The following MSI2 variants were observed in gnomAD, a reference collection of about 807,000 sequenced individuals.
The protein encoded by MSI2 is RNA-binding protein Musashi homolog 2.
In MSI2, 17 loss-of-function variants were observed where a neutral mutation model predicts 45.6. That is an observed-to-expected ratio of 0.37 (90% confidence interval 0.26 to 0.56). The LOEUF (loss-of-function observed/expected upper bound fraction) is 0.56. Among genes scored for constraint, MSI2 ranks in the 20% least tolerant of loss-of-function variants. The pLI, the probability that MSI2 is intolerant of heterozygous loss-of-function variation, is 0.77. For missense variants in MSI2, 293 were observed against 444.2 expected (o/e 0.66, Z 3.06); for synonymous variants, 156 against 158.2 (o/e 0.99, Z 0.11).
chr17:57,618,741 A>G (rs1907983035), intron 9 of MSI2, among the ~76,000 whole-genome samples: 1 of 151,986 alleles, frequency 6.6e-6, no homozygotes, highest in African/African-American at 2.4e-5. Flanking sequence ...ACGGGATTTC[A>G]CCATGTTGGC....
intron 5 of MSI2, among the ~76,000 whole-genome samples, chr17:57,367,850 C>T (rs1423553198): frequency 6.6e-6 from 1 of 152,158 alleles, no homozygotes; most frequent in Non-Finnish European, 1.5e-5. Flanking sequence ...CAGGCCATCC[C>T]TCTTACAGCT....
At chr17:57,479,901 C>T (rs771430989) in intron 6 of MSI2, among the ~76,000 whole-genome samples, 1 of 152,202 alleles carries the variant, frequency 6.6e-6, no homozygotes, top group Non-Finnish European at 1.5e-5. Context: ...ATATATCCAA[C>T]GTTCTGCCAG....
chr17:57,449,408 G>A (rs2143530172), intron 6 of MSI2: 1 of 152,286 alleles, frequency 6.6e-6, no homozygotes, highest in South Asian at 2.1e-4. Flanking sequence ...TTATTGGTTG[G>A]TGACCCAAGA....
At chr17:57,677,325 A>G (rs1913304331) in intron 13 of MSI2, among the ~76,000 whole-genome samples, 1 of 151,904 alleles carries the variant, frequency 6.6e-6, no homozygotes, top group Admixed American at 6.6e-5. Flanking sequence ...CTTTTTCTGT[A>G]TCTTCCCCAC....
intron 5 of MSI2, among the ~76,000 whole-genome samples, chr17:57,393,136 T>C (rs2083825750): frequency 6.6e-6 from 1 of 152,184 alleles, no homozygotes; most frequent in African/African-American, 2.4e-5. Flanking sequence ...TGGAATCAAA[T>C]ACAGGTTGAA....
At chr17:57,607,675 C>A (rs188634886) in intron 8 of MSI2, among the ~76,000 whole-genome samples, 4 of 152,276 alleles carry the variant, frequency 2.6e-5, no homozygotes, top group Admixed American at 6.5e-5. Flanking sequence ...TAAAGAAATA[C>A]CTGAGACTGG....
At chr17:57,311,654 A>G (rs1481028245) in intron 5 of MSI2, among the ~76,000 whole-genome samples, 1 of 152,068 alleles carries the variant, frequency 6.6e-6, no homozygotes, top group African/African-American at 2.4e-5. Context: ...GGCTTAAGTG[A>G]TCCTTCCCAC....
At chr17:57,440,216 A>G (rs16958391) in intron 6 of MSI2, among the ~76,000 whole-genome samples, 2,139 of 152,248 alleles carry the variant, frequency 0.014, 50 homozygotes, top group African/African-American at 0.049. Context: ...TAGAGGTCTG[A>G]GAAGTGAACT....
chr17:57,583,826 A>G (rs1466091548), intron 7 of MSI2, among the ~76,000 whole-genome samples: 1 of 152,160 alleles, frequency 6.6e-6, no homozygotes. Flanking sequence ...TAAAACATAC[A>G]GATGCTGGGG....
intron 5 of MSI2, among the ~76,000 whole-genome samples, chr17:57,282,850 A>ATTTTTTTTTT (rs1909546665): frequency 8.3e-5 from 1 of 12,092 alleles, no homozygotes; most frequent in African/African-American, 2.6e-4. Flanking sequence ...TTTTTTTTTC[A>ATTTTTTTTTT]GGGAACTCTG....
intron 7 of MSI2, among the ~76,000 whole-genome samples, chr17:57,532,527 A>T (rs1054768032): frequency 5.3e-5 from 8 of 152,282 alleles, no homozygotes; most frequent in African/African-American, 1.2e-4. Flanking sequence ...GTGAAAAAAA[A>T]TTTTTGTTTT....
chr17:57,562,511 C>A (rs2087603072), intron 7 of MSI2, among the ~76,000 whole-genome samples: 1 of 152,238 alleles, frequency 6.6e-6, no homozygotes, highest in Admixed American at 6.5e-5. Context: ...CTTCTTAGAT[C>A]TGTGCTGTCG....
At chr17:57,557,408 G>A (rs2087461742) in intron 7 of MSI2, among the ~76,000 whole-genome samples, 1 of 152,180 alleles carries the variant, frequency 6.6e-6, no homozygotes, top group Non-Finnish European at 1.5e-5. Context: ...CTGCCCCAGG[G>A]GCCAAAGCCC....
At chr17:57,440,111 G>A (rs776392514) in intron 6 of MSI2, among the ~76,000 whole-genome samples, 1 of 152,170 alleles carries the variant, frequency 6.6e-6, no homozygotes, top group Non-Finnish European at 1.5e-5. Flanking sequence ...TAGAAGCCAT[G>A]CAAGGCAGTT....
rs187528195 is a variant in MSI2 at position 57,586,569 on chromosome 17, G to A, written c.455-10299G>A. 1.3e-3 allele frequency among the ~76,000 whole-genome samples: 205 copies of A among 152,006 alleles called. 1 individual carries two copies. Among genetic ancestry groups the A allele is most frequent in the Non-Finnish European group, 2.0e-3 (139 of 68,004 alleles). On this transcript the variant is annotated intron_variant, in intron 7 of 13. Transcript: ENST00000284073. ...TCTAAAGTGGAACTTAATTGCTTTCGCGTAAGGATTTGATTCGGGCAAACT... is the reference window on the plus strand; with the variant it reads ...TCTAAAGTGGAACTTAATTGCTTTCACGTAAGGATTTGATTCGGGCAAACT...
chr17:57,315,734 A>G (rs1912801896), intron 5 of MSI2, among the ~76,000 whole-genome samples: 1 of 152,158 alleles, frequency 6.6e-6, no homozygotes, highest in South Asian at 2.1e-4. Flanking sequence ...GGCAGGTCAC[A>G]TGGCCCACAA....
intron 7 of MSI2, among the ~76,000 whole-genome samples, chr17:57,586,034 C>G (rs562659808): frequency 1.3e-5 from 2 of 152,378 alleles, no homozygotes; most frequent in South Asian, 4.1e-4. Context: ...TGGCACTTAA[C>G]AGCAGTAATA....
At chr17:57,667,191 C>T (rs528673996) in intron 11 of MSI2, among the ~76,000 whole-genome samples, 75 of 152,258 alleles carry the variant, frequency 4.9e-4, no homozygotes, top group African/African-American at 1.5e-3. Context: ...CTGCAGGTTC[C>T]GGGGAGCCTC....
At chr17:57,406,527 C>G (rs558724666) in intron 6 of MSI2, among the ~76,000 whole-genome samples, 10 of 152,282 alleles carry the variant, frequency 6.6e-5, no homozygotes, top group African/African-American at 2.4e-4. Flanking sequence ...AGCTCAGTGC[C>G]GAGCTCGCTA....
Sources: gnomAD v4.1 joint callset for allele counts (sites outside exome capture counted in the v4.1 genomes callset) on GRCh38, gnomAD v4.1.1 for gene constraint, MANE v1.5 for transcripts, NCBI Gene and HGNC (gene_info 2026-07-23, HGNC 2026-07-21) for gene names.